The following GSTO2 variants were observed in gnomAD, a reference collection of about 807,000 sequenced individuals.
GSTO2 encodes the protein glutathione S-transferase omega 2, also known as glutathione S-transferase omega-2.
In GSTO2, 23 loss-of-function variants were observed where a neutral mutation model predicts 28.4. The ratio of observed to expected loss-of-function variants is 0.81; its 90% confidence interval spans 0.58 to 1.15. GSTO2 has a LOEUF of 1.15. Among genes scored for constraint, GSTO2 ranks in the 50% most tolerant of loss-of-function variants. The pLI is 0.00. For synonymous variants in GSTO2, 109 were observed against 111.0 expected (o/e 0.98, Z 0.11); for missense variants, 298 against 297.8 (o/e 1.00, Z 0.00).
intron 5 of GSTO2, chr10:104,296,771 T>A (rs977584761): frequency 6.6e-6 from 1 of 151,674 alleles, no homozygotes; most frequent in African/African-American, 2.4e-5. Context: ...TCTTTTTTTC[T>A]TTTTCTTTTC....
intron 5 of GSTO2, among the ~76,000 whole-genome samples, chr10:104,290,890 A>G (rs1440253303): frequency 1.3e-5 from 2 of 152,196 alleles, no homozygotes; most frequent in African/African-American, 4.8e-5. Context: ...TAACTTAAAC[A>G]GTGTAATTGG....
In GSTO2 at chr10:104,303,923, G is replaced by A. The variant is rs950125877; in HGVS notation, c.*4639G>A. 6 of 152,302 alleles carry A rather than the reference G, an allele frequency of 3.9e-5. No homozygotes were observed. The highest frequency in any genetic ancestry group is 1.3e-4 in the Admixed American group (2 of 15,286). The allele number at this position is 152,302 out of a possible 1,614,324, so 9.4% of individuals were successfully genotyped here. ...TCTTGGAGCTTTGGTGGTGGTAGGG[G>A]TGGCAGGGGCAGGTGTTATGTTTCT... On this transcript the variant is annotated 3_prime_UTR_variant, in exon 7 of 7. Coordinates refer to ENST00000338595, the MANE Select transcript of GSTO2 (RefSeq NM_183239.2).
chr10:104,301,996 G>A lies in GSTO2; in HGVS notation c.*2712G>A, dbSNP rs932271454. On this transcript the variant is annotated 3_prime_UTR_variant, in exon 7 of 7. Coordinates refer to ENST00000338595, the MANE Select transcript of GSTO2 (RefSeq NM_183239.2). Reference sequence around the variant, plus strand: ...GACTGAGTAATTTATAAAGGAAAGAGGTTTAATTGACTCACAATTCCACAT... The same window carrying A: ...GACTGAGTAATTTATAAAGGAAAGAAGTTTAATTGACTCACAATTCCACAT... 1.3e-5 allele frequency: 2 copies of A among 152,402 alleles called. No homozygotes were observed. The highest frequency in any genetic ancestry group is 4.8e-5 in the African/African-American group (2 of 41,460). 9.4% of individuals were successfully genotyped at this position (152,402 alleles called of 1,614,324 possible).
At chr10:104,290,011 A>G (rs1322205912) in intron 5 of GSTO2, among the ~76,000 whole-genome samples, 1 of 152,220 alleles carries the variant, frequency 6.6e-6, no homozygotes, top group East Asian at 1.9e-4. Context: ...ACCATTGTGG[A>G]GAACAGTTTG....
rs397787244 is a variant in GSTO2 at position 104,293,563 on chromosome 10, A to ATTTTTTTTTTTTTTTTTTTTTTTTT, written c.469-3993_469-3992insTTTTTTTTTTTTTTTTTTTTTTTTT. 1.9e-3 allele frequency among the ~76,000 whole-genome samples: 152 copies of ATTTTTTTTTTTTTTTTTTTTTTTTT among 81,614 alleles called. 25 individuals carry two copies. Among genetic ancestry groups the ATTTTTTTTTTTTTTTTTTTTTTTTT allele is most frequent in the African/African-American group, 3.7e-3 (60 of 16,244 alleles). 53.5% of individuals were successfully genotyped at this position (81,614 alleles called of 152,430 possible). Reference sequence around the variant, plus strand: ...AGGCATGAGCCACTGCGCCTGGCCAATTTTTTTTTTTTTTTTTTTTTTGCG... The same window carrying ATTTTTTTTTTTTTTTTTTTTTTTTT: ...AGGCATGAGCCACTGCGCCTGGCCAATTTTTTTTTTTTTTTTTTTTTTTTTTTTTTTTTTTTTTTTTTTTTTTGCG... On this transcript the variant is annotated intron_variant, in intron 5 of 6. Transcript: ENST00000338595.
rs2013258066 is a variant in GSTO2, at chr10:104,301,555, G to A, written c.*2271G>A. 1 of 152,158 alleles carries A rather than the reference G, an allele frequency of 6.6e-6. No homozygotes were observed. Among genetic ancestry groups the A allele is most frequent in the South Asian group, 2.1e-4 (1 of 4,834 alleles). 9.4% of individuals were successfully genotyped at this position (152,158 alleles called of 1,614,324 possible). A position where few individuals can be genotyped will look rare whatever the true frequency, so the allele number is the denominator to read the frequency against. On this transcript the variant is annotated 3_prime_UTR_variant, in exon 7 of 7. Coordinates refer to ENST00000338595, the MANE Select transcript of GSTO2 (RefSeq NM_183239.2). ...AATAAAACTAGAAGGATGTGGCCTG[G>A]AGAAAAGAGGGAAGGAGGTAATTAA...
At chr10:104,285,605 A>G (rs1161193510) in intron 5 of GSTO2, among the ~76,000 whole-genome samples, 1 of 152,070 alleles carries the variant, frequency 6.6e-6, no homozygotes, top group Non-Finnish European at 1.5e-5. Flanking sequence ...TCAGGCCACC[A>G]TGCCCAACTG....
intron 5 of GSTO2, chr10:104,291,375 A>G (rs1321844586): frequency 1.3e-5 from 2 of 152,408 alleles, no homozygotes; most frequent in Admixed American, 6.5e-5. Context: ...TTGAAGCTCA[A>G]TTATTGAGGC....
intron 5 of GSTO2, among the ~76,000 whole-genome samples, chr10:104,293,335 G>A (rs888074897): frequency 1.6e-4 from 24 of 152,146 alleles, no homozygotes; most frequent in African/African-American, 4.6e-4. Context: ...AAGGAAAACC[G>A]TATCAAGATA....
chr10:104,284,236 C>A (rs981835040), intron 5 of GSTO2, among the ~76,000 whole-genome samples: 1 of 151,880 alleles, frequency 6.6e-6, no homozygotes, highest in Non-Finnish European at 1.5e-5. Context: ...GATGCATACC[C>A]GTGGTCCCTG....
At chr10:104,284,419 C>T (rs2012287090) in intron 5 of GSTO2, among the ~76,000 whole-genome samples, 1 of 152,062 alleles carries the variant, frequency 6.6e-6, no homozygotes, top group Non-Finnish European at 1.5e-5. Context: ...GTTATATAAC[C>T]ACATTTTTCT....
chr10:104,293,990 C>T (rs939574441), intron 5 of GSTO2, among the ~76,000 whole-genome samples: 5 of 152,152 alleles, frequency 3.3e-5, no homozygotes, highest in Admixed American at 6.5e-5. Context: ...GCTCCCCTGT[C>T]CTTCCCCATG....
At chr10:104,290,773 G>A (rs2012725759) in intron 5 of GSTO2, among the ~76,000 whole-genome samples, 1 of 151,774 alleles carries the variant, frequency 6.6e-6, no homozygotes, top group South Asian at 2.1e-4. Flanking sequence ...GCAGGGAGGT[G>A]GGGATGGTTA....
At position 104,279,290 on chromosome 10, in the gene GSTO2, G is replaced by C. The variant is rs550646392; in HGVS notation, c.367-80G>C. 114 of 1,203,650 alleles carry C rather than the reference G, an allele frequency of 9.5e-5. No individual in the cohort carries two copies. The African/African-American group carries it at 1.5e-3, about 16-fold the overall frequency. 74.6% of individuals were successfully genotyped at this position (1,203,650 alleles called of 1,614,324 possible). ...TGCCCTGTTAGGCTGGAGTTATAAA[G>C]CTTCGCTGCCTTTTCAGGCAGAACA... On this transcript the variant is annotated intron_variant, in intron 4 of 6. Transcript: ENST00000338595.
intron 5 of GSTO2, 74 bp downstream of exon 5, chr10:104,279,545 A>G (rs276203): frequency 0.35 from 327,088 of 932,262 alleles, 63,526 homozygotes; most frequent in African/African-American, 0.74. Flanking sequence ...TGGTCACTCT[A>G]ACACCAGCTT....
chr10:104,287,665 T>C (rs2012516566), intron 5 of GSTO2, among the ~76,000 whole-genome samples: 1 of 151,944 alleles, frequency 6.6e-6, no homozygotes, highest in African/African-American at 2.4e-5. Flanking sequence ...TGTAAATAAG[T>C]GGCTAGAAAA....
chr10:104,282,675 G>C (rs1564846875), intron 5 of GSTO2, among the ~76,000 whole-genome samples: 2 of 152,206 alleles, frequency 1.3e-5, no homozygotes, highest in Non-Finnish European at 2.9e-5. Flanking sequence ...GGGTTGGAGA[G>C]GGAGGTTTAA....
Position 104,299,903 on chromosome 10 carries a change from A to T in GSTO2, c.*619A>T, listed in dbSNP as rs1435889973. ...TTTGATCTCCAGATTATTGGTGCAGATGCTGATGCTGAGGTTCAGGGTCAA... is the reference window on the plus strand; with the variant it reads ...TTTGATCTCCAGATTATTGGTGCAGTTGCTGATGCTGAGGTTCAGGGTCAA... On this transcript the variant is annotated 3_prime_UTR_variant, in exon 7 of 7. Coordinates refer to ENST00000338595, the MANE Select transcript of GSTO2 (RefSeq NM_183239.2). The T allele has an allele frequency of 6.5e-6, 1 of 154,950 alleles. No homozygotes were observed. Among genetic ancestry groups the T allele is most frequent in the African/African-American group, 2.4e-5 (1 of 41,480 alleles). 9.6% of individuals were successfully genotyped at this position (154,950 alleles called of 1,614,324 possible). A position where few individuals can be genotyped will look rare whatever the true frequency, so the allele number is the denominator to read the frequency against.
intron 5 of GSTO2, among the ~76,000 whole-genome samples, chr10:104,280,188 A>G (rs1406263086): frequency 6.6e-6 from 1 of 150,434 alleles, no homozygotes; most frequent in African/African-American, 2.4e-5. Flanking sequence ...AAAAAAAAAA[A>G]AAAGCCAGAG....
Sources: gnomAD v4.1 joint callset for allele counts (sites outside exome capture counted in the v4.1 genomes callset) on GRCh38, gnomAD v4.1.1 for gene constraint, MANE v1.5 for transcripts, NCBI Gene and HGNC (gene_info 2026-07-23, HGNC 2026-07-21) for gene names.